ARB2A: variants seen among roughly 807,000 people sequenced by gnomAD.
ARB2A encodes ARB2 cotranscriptional regulator A.
At chr5:94,059,038 G>A in the ARB2A span, among the ~76,000 whole-genome samples, 49 of 152,130 alleles carry the variant, frequency 3.2e-4, no homozygotes, top group Non-Finnish European at 4.1e-4. Flanking sequence ...CTCACCAGAA[G>A]GAGACATCAG....
the ARB2A span, among the ~76,000 whole-genome samples, chr5:93,992,901 T>G: frequency 6.6e-6 from 1 of 151,998 alleles, no homozygotes; most frequent in Non-Finnish European, 1.5e-5. Flanking sequence ...ACTAATACAA[T>G]TCAAGACATT....
the ARB2A span, among the ~76,000 whole-genome samples, chr5:93,898,954 T>C: frequency 6.6e-6 from 1 of 152,044 alleles, no homozygotes; most frequent in Admixed American, 6.6e-5. Context: ...GTTAACACAG[T>C]AAATAAATGG....
chr5:93,633,060 T>C, the ARB2A span, among the ~76,000 whole-genome samples: 1 of 152,120 alleles, frequency 6.6e-6, no homozygotes, highest in South Asian at 2.1e-4. Flanking sequence ...TTCTACTGAG[T>C]TCTTCACTTC....
the ARB2A span, among the ~76,000 whole-genome samples, chr5:93,821,195 T>G: frequency 1.3e-5 from 2 of 152,182 alleles, no homozygotes; most frequent in African/African-American, 4.8e-5. Flanking sequence ...AACAATTTTT[T>G]TTTGAAATTC....
chr5:94,053,102 T>C, the ARB2A span: 1 of 1,309,744 alleles, frequency 7.6e-7, no homozygotes, highest in Non-Finnish European at 1.1e-6. Flanking sequence ...GATAGATAGA[T>C]AGATAGATAG....
the ARB2A span, among the ~76,000 whole-genome samples, chr5:93,648,857 C>A: frequency 7.9e-5 from 12 of 152,132 alleles, no homozygotes; most frequent in Non-Finnish European, 1.8e-4. Flanking sequence ...GTTTACCATA[C>A]TAGTAGACTA....
chr5:93,710,457 T>C, the ARB2A span, among the ~76,000 whole-genome samples: 3 of 152,220 alleles, frequency 2.0e-5, no homozygotes, highest in African/African-American at 4.8e-5. Context: ...GACTGAATCA[T>C]GTAGTAAGAG....
chr5:93,855,985 GAGA>G, the ARB2A span, among the ~76,000 whole-genome samples: 1 of 152,150 alleles, frequency 6.6e-6, no homozygotes, highest in African/African-American at 2.4e-5. Flanking sequence ...GATGAGTTGA[GAGA>G]AGAAGGCTTC....
chr5:93,702,974 G>A, the ARB2A span, among the ~76,000 whole-genome samples: 7 of 151,900 alleles, frequency 4.6e-5, no homozygotes, highest in South Asian at 4.2e-4. Flanking sequence ...TAAAAAGATC[G>A]ATAGTTTAAA....
At chr5:94,010,044 T>C in the ARB2A span, among the ~76,000 whole-genome samples, 2 of 152,008 alleles carry the variant, frequency 1.3e-5, no homozygotes, top group Non-Finnish European at 2.9e-5. Flanking sequence ...TTCTATTTAA[T>C]GGAATTCTGC....
At chr5:93,638,098 G>A in the ARB2A span, among the ~76,000 whole-genome samples, 6 of 152,166 alleles carry the variant, frequency 3.9e-5, no homozygotes, top group Non-Finnish European at 7.3e-5. Context: ...GAGGACAATT[G>A]GAAAGTCATG....
At chr5:93,767,002 A>T in the ARB2A span, among the ~76,000 whole-genome samples, 2 of 139,628 alleles carry the variant, frequency 1.4e-5, no homozygotes, top group Admixed American at 7.4e-5. Context: ...GAACACATGG[A>T]CACAGGAAGG....
At chr5:93,858,776 G>A in the ARB2A span, among the ~76,000 whole-genome samples, 1 of 152,044 alleles carries the variant, frequency 6.6e-6, no homozygotes, top group Non-Finnish European at 1.5e-5. Context: ...AAATGTAAAA[G>A]AATTCTTCTA....
At chr5:93,810,948 A>C in the ARB2A span, among the ~76,000 whole-genome samples, 3 of 152,134 alleles carry the variant, frequency 2.0e-5, no homozygotes, top group Non-Finnish European at 4.4e-5. Context: ...TGAGGATAAT[A>C]ATGTAGTTAC....
At chr5:93,754,947 G>A in the ARB2A span, among the ~76,000 whole-genome samples, 1 of 152,110 alleles carries the variant, frequency 6.6e-6, no homozygotes, top group Non-Finnish European at 1.5e-5. Context: ...ACATAGGAAA[G>A]CCTAAATAAA....
the ARB2A span, among the ~76,000 whole-genome samples, chr5:93,826,562 TGA>T: frequency 1.3e-5 from 2 of 152,166 alleles, no homozygotes; most frequent in African/African-American, 2.4e-5. Flanking sequence ...AGCTGAAATC[TGA>T]GAGTCAACTT....
At chr5:93,653,344 T>A in the ARB2A span, among the ~76,000 whole-genome samples, 1 of 150,672 alleles carries the variant, frequency 6.6e-6, no homozygotes, top group East Asian at 2.0e-4. Context: ...CCATCTCTAC[T>A]AAAAATACAA....
chr5:93,710,569 A>G, the ARB2A span, among the ~76,000 whole-genome samples: 2 of 152,228 alleles, frequency 1.3e-5, no homozygotes, highest in Non-Finnish European at 2.9e-5. Context: ...GATTGTTATA[A>G]GGAATAAAAA....
the ARB2A span, among the ~76,000 whole-genome samples, chr5:93,882,485 T>G: frequency 6.6e-6 from 1 of 151,366 alleles, no homozygotes; most frequent in Non-Finnish European, 1.5e-5. Context: ...TAAGGCTTTT[T>G]TTTTTTTAAA....
Sources: gnomAD v4.1 joint callset for allele counts (sites outside exome capture counted in the v4.1 genomes callset) on GRCh38, gnomAD v4.1.1 for gene constraint, MANE v1.5 for transcripts, NCBI Gene and HGNC (gene_info 2026-07-23, HGNC 2026-07-21) for gene names.